PPP2R2B: variants seen among roughly 807,000 people sequenced by gnomAD.
PPP2R2B encodes protein phosphatase 2 regulatory subunit Bbeta, also known as serine/threonine-protein phosphatase 2A 55 kDa regulatory subunit B beta isoform.
A neutral mutation model predicts 46.0 loss-of-function variants in PPP2R2B; 5 were observed. The ratio of observed to expected loss-of-function variants is 0.11; its 90% CI spans 0.06 to 0.23. The LOEUF is 0.23. Among genes scored for constraint, PPP2R2B ranks in the 10% least tolerant of loss-of-function variants. The probability of loss-of-function intolerance (pLI) is 1.00; values close to 1 mark genes in which losing one functional copy is unlikely to be tolerated. For missense variants in PPP2R2B, 367 were observed against 575.0 expected (o/e 0.64, Z 3.70); for synonymous variants, 215 against 206.7 (o/e 1.04, Z -0.34).
chr5:146,722,188 C>T (rs976569406), intron 2 of PPP2R2B, among the ~76,000 whole-genome samples: 3 of 152,178 alleles, frequency 2.0e-5, no homozygotes, highest in Non-Finnish European at 4.4e-5. Context: ...ATACTATTTA[C>T]TGAAGACCTG....
chr5:147,066,156 G>A lies in PPP2R2B; in HGVS notation c.50+14903C>T, dbSNP rs954856901. 2.0e-5 allele frequency among the ~76,000 whole-genome samples: 3 copies of A among 152,240 alleles called. No individual in the cohort carries two copies. In the East Asian group the frequency reaches 5.8e-4, roughly 29 times the overall value. The stretch of plus-strand genomic sequence containing the variant: ...AATCATAGGTTTTCTGGTGACTAAT[G>A]ATAGTTTTGGAGGAACCATTCAATC... On this transcript the variant is annotated intron_variant, in intron 2 of 10. Transcript: ENST00000394413.
chr5:146,658,509 G>T (rs1776483683), intron 5 of PPP2R2B, among the ~76,000 whole-genome samples: 1 of 152,158 alleles, frequency 6.6e-6, no homozygotes, highest in African/African-American at 2.4e-5. Flanking sequence ...ACAGCTCAGT[G>T]GTACAGAGCA....
intron 2 of PPP2R2B, among the ~76,000 whole-genome samples, chr5:146,862,900 A>C (rs951808386): frequency 6.6e-6 from 1 of 151,614 alleles, no homozygotes; most frequent in Admixed American, 6.6e-5. Context: ...TAATGGGCTC[A>C]AATCCAAGTT....
intron 1 of PPP2R2B, among the ~76,000 whole-genome samples, chr5:147,019,327 G>C (rs768719285): frequency 1.2e-4 from 19 of 152,136 alleles, no homozygotes; most frequent in Non-Finnish European, 1.2e-4. Context: ...AATTAAAATA[G>C]AAAAGATTCA....
chr5:146,978,942 A>G (rs1367014345), intron 1 of PPP2R2B, among the ~76,000 whole-genome samples: 1 of 152,220 alleles, frequency 6.6e-6, no homozygotes, highest in Non-Finnish European at 1.5e-5. Flanking sequence ...TACAGCAGAC[A>G]GGAAAAATCT....
At chr5:146,831,280 T>C (rs1228557690) in intron 2 of PPP2R2B, among the ~76,000 whole-genome samples, 1 of 152,016 alleles carries the variant, frequency 6.6e-6, no homozygotes, top group Non-Finnish European at 1.5e-5. Flanking sequence ...GTGGATTACC[T>C]AAGGTAAGAA....
intron 2 of PPP2R2B, among the ~76,000 whole-genome samples, chr5:146,781,436 T>C (rs1033281394): frequency 6.6e-6 from 1 of 151,708 alleles, no homozygotes; most frequent in East Asian, 2.0e-4. Context: ...CTACCCAAAT[T>C]TGTGTAGTCA....
chr5:146,771,903 C>A (rs1754880649), intron 2 of PPP2R2B, among the ~76,000 whole-genome samples: 1 of 152,104 alleles, frequency 6.6e-6, no homozygotes, highest in African/African-American at 2.4e-5. Flanking sequence ...AGAAAGGAAT[C>A]CACAAACCTA....
At chr5:146,873,112 C>T (rs995976030) in intron 2 of PPP2R2B, among the ~76,000 whole-genome samples, 18 of 152,160 alleles carry the variant, frequency 1.2e-4, no homozygotes, top group African/African-American at 4.1e-4. Context: ...AGTCTGTTTC[C>T]GCTTTTAGTG....
At chr5:146,924,812 A>G (rs1467632811) in intron 1 of PPP2R2B, among the ~76,000 whole-genome samples, 1 of 152,170 alleles carries the variant, frequency 6.6e-6, no homozygotes, top group Non-Finnish European at 1.5e-5. Flanking sequence ...AGAATGTGTT[A>G]GTTTGCTGAG....
intron 1 of PPP2R2B, among the ~76,000 whole-genome samples, chr5:147,003,922 T>C (rs1754308373): frequency 6.6e-6 from 1 of 152,076 alleles, no homozygotes; most frequent in African/African-American, 2.4e-5. Context: ...AAAAGATAAA[T>C]TTATTACCCA....
At chr5:146,681,794 A>G (rs183683096) in intron 5 of PPP2R2B, among the ~76,000 whole-genome samples, 1 of 152,218 alleles carries the variant, frequency 6.6e-6, no homozygotes, top group Non-Finnish European at 1.5e-5. Context: ...AATTCAGACC[A>G]TTTAACAACC....
chr5:146,804,540 G>C (rs1405246214), intron 2 of PPP2R2B, among the ~76,000 whole-genome samples: 1 of 152,146 alleles, frequency 6.6e-6, no homozygotes, highest in African/African-American at 2.4e-5. Context: ...TTGAGAGCCA[G>C]GGTTGTGACT....
chr5:147,004,671 G>C (rs1416330217), intron 1 of PPP2R2B, among the ~76,000 whole-genome samples: 1 of 152,130 alleles, frequency 6.6e-6, no homozygotes, highest in Non-Finnish European at 1.5e-5. Context: ...TGGAGAACGA[G>C]TTACCCATTT....
At chr5:146,785,275 CGT>C (rs1246157394) in intron 2 of PPP2R2B, among the ~76,000 whole-genome samples, 1 of 152,070 alleles carries the variant, frequency 6.6e-6, no homozygotes, top group Non-Finnish European at 1.5e-5. Context: ...GGCCAGGCAC[CGT>C]GTCTCATGCC....
intron 1 of PPP2R2B, among the ~76,000 whole-genome samples, chr5:146,937,100 G>A (rs1165775888): frequency 2.0e-5 from 3 of 152,148 alleles, no homozygotes; most frequent in African/African-American, 4.8e-5. Context: ...TCGGCAGTTC[G>A]AAATCAGCCT....
At chr5:146,979,454 T>TCAGTGCCTAC (rs1202213435) in intron 1 of PPP2R2B, among the ~76,000 whole-genome samples, 2 of 152,076 alleles carry the variant, frequency 1.3e-5, no homozygotes, top group Non-Finnish European at 2.9e-5. Context: ...TGCTGTATCC[T>TCAGTGCCTAC]CAGTGCCTAC....
chr5:146,918,338 C>T (rs1419924313), intron 1 of PPP2R2B: 3 of 152,170 alleles, frequency 2.0e-5, no homozygotes, highest in Admixed American at 2.0e-4. Context: ...ACCTAAGTTT[C>T]TTTCCATAGT....
intron 2 of PPP2R2B, among the ~76,000 whole-genome samples, chr5:146,803,946 T>C (rs1757018187): frequency 2.0e-5 from 3 of 152,062 alleles, no homozygotes; most frequent in South Asian, 4.1e-4. Context: ...GGCAGGCAGA[T>C]CACAAGGTCA....
Sources: allele counts gnomAD v4.1 joint callset (sites outside exome capture counted in the v4.1 genomes callset), GRCh38; gene constraint gnomAD v4.1.1; transcripts MANE v1.5; gene names NCBI Gene and HGNC (gene_info 2026-07-23, HGNC 2026-07-21).